The following PCDH7 variants were observed in gnomAD, a reference collection of about 807,000 sequenced individuals.
PCDH7 encodes protocadherin-7.
In PCDH7, 17 loss-of-function variants were observed where a neutral mutation model predicts 58.9. The ratio of observed to expected loss-of-function variants is 0.29; its 90% CI spans 0.20 to 0.43. The LOEUF is 0.43. Ranked by LOEUF, PCDH7 falls within the 20% of genes least tolerant of loss-of-function variation. The pLI, the probability that PCDH7 is intolerant of heterozygous loss-of-function variation, is 1.00. For synonymous variants in PCDH7, 664 were observed against 616.4 expected (o/e 1.08, Z -1.14); for missense variants, 1,274 against 1,441.0 (o/e 0.88, Z 1.88).
chr4:31,120,483 G>T (rs1578851362), intron 3 of PCDH7, among the ~76,000 whole-genome samples: 1 of 113,548 alleles, frequency 8.8e-6, no homozygotes. Flanking sequence ...TACATCTCCT[G>T]TATGTTCACT....
intron 2 of PCDH7, among the ~76,000 whole-genome samples, chr4:30,924,260 C>T (rs957808505): frequency 1.3e-5 from 2 of 152,284 alleles, no homozygotes; most frequent in East Asian, 3.9e-4. Flanking sequence ...ATATAGAAAA[C>T]ACCTTGCTTG....
chr4:31,073,097 G>A (rs1039972341), intron 3 of PCDH7, among the ~76,000 whole-genome samples: 1 of 152,128 alleles, frequency 6.6e-6, no homozygotes, highest in African/African-American at 2.4e-5. Flanking sequence ...GAGAGTGTGA[G>A]ATGAACAGTC....
rs962833646 is a variant in PCDH7 at position 30,721,371 on chromosome 4, G to T, written c.-52G>T. 2.1e-6 allele frequency: 3 copies of T among 1,423,358 alleles called. No homozygotes were observed. Among genetic ancestry groups the T allele is most frequent in the Non-Finnish European group, 2.8e-6 (3 of 1,088,268 alleles). The allele number at this position is 1,423,358 out of a possible 1,614,324, so 88.2% of individuals were successfully genotyped here. On this transcript the variant is annotated 5_prime_UTR_variant, in exon 1 of 2. Coordinates refer to ENST00000361762, the Ensembl canonical transcript of PCDH7. The surrounding 1 kb of genome is among the most constrained non-coding windows in gnomAD (Gnocchi z 6.7). ...AGGCGGCCGGCCCCGGAGGAGGGGGGCGCCGAGGGGGCTGTGGTTAGAAGG... is the reference window on the plus strand; with the variant it reads ...AGGCGGCCGGCCCCGGAGGAGGGGGTCGCCGAGGGGGCTGTGGTTAGAAGG...
At chr4:31,128,075 G>GTA (rs1718517569) in intron 3 of PCDH7, among the ~76,000 whole-genome samples, 1 of 148,978 alleles carries the variant, frequency 6.7e-6, no homozygotes, top group Non-Finnish European at 1.5e-5. Flanking sequence ...ATATGTGTGT[G>GTA]TATATATATG....
intron 3 of PCDH7, among the ~76,000 whole-genome samples, chr4:31,084,759 A>C: frequency 2.3e-5 from 1 of 44,312 alleles, no homozygotes; most frequent in East Asian, 8.9e-4. Context: ...AGGGGAGGGG[A>C]GGAGATGGGG....
At chr4:31,123,465 A>G (rs2109326603) in intron 3 of PCDH7, among the ~76,000 whole-genome samples, 1 of 152,192 alleles carries the variant, frequency 6.6e-6, no homozygotes, top group East Asian at 1.9e-4. Context: ...CCCTTGCGGG[A>G]GGAAAAGCAT....
chr4:30,737,499 AG>A (rs1426231989), downstream of PCDH7, among the ~76,000 whole-genome samples: 6 of 151,826 alleles, frequency 4.0e-5, no homozygotes, highest in Non-Finnish European at 7.4e-5. Context: ...TGGGTGACAG[AG>A]GGAGATCCTG....
At position 30,721,949 on chromosome 4, in the gene PCDH7, G is replaced by C. The variant is rs760014798; in HGVS notation, c.527G>C (p.Gly176Ala). 9 of 1,550,502 alleles carry C rather than the reference G, an allele frequency of 5.8e-6. No homozygotes were observed. In the South Asian group the frequency reaches 1.1e-4, roughly 18 times the overall value. The change falls in exon 1 of 2, where the codon GGC becomes GCC. Residue 176 changes from glycine (G) to alanine (A), a missense_variant. Transcript: ENST00000361762. This position sits in a 1 kb window ranked among gnomAD's most constrained non-coding sequence, Gnocchi z 6.7. ...ACCGACCGCGACTTCGGCCGCAACG[G>C]CATCGAGCGCTACGAGCTGCTCCAG...
chr4:30,817,207 TA>T (rs1256851390), intron 1 of PCDH7, among the ~76,000 whole-genome samples: 1 of 152,178 alleles, frequency 6.6e-6, no homozygotes, highest in Non-Finnish European at 1.5e-5. Flanking sequence ...TATGGGACCT[TA>T]AGCAGGTCAT....
chr4:30,948,289 CA>C (rs751763592), intron 2 of PCDH7, among the ~76,000 whole-genome samples: 5,591 of 113,264 alleles, frequency 0.049, 100 homozygotes, highest in African/African-American at 0.078. Context: ...AACTCATATG[CA>C]AAAAAAAAAA....
At position 30,853,608 on chromosome 4, in the gene PCDH7, G is replaced by T. The variant is rs558525925; in HGVS notation, c.71-66545G>T. Among the ~76,000 whole-genome samples, 3 of 152,218 alleles carry T rather than the reference G, an allele frequency of 2.0e-5. No individual in the cohort carries two copies. The East Asian group carries it at 5.8e-4, about 29-fold the overall frequency. On this transcript the variant is annotated intron_variant, in intron 1 of 3. Transcript: ENST00000509759. ...ATCAAACATGTTAGGGTATCACTAA[G>T]AGGTGGCATATTTTCTGGAATATGG... is the stretch of plus-strand genomic sequence containing the variant.
At chr4:30,901,407 C>G (rs951384178) in intron 1 of PCDH7, among the ~76,000 whole-genome samples, 1 of 152,024 alleles carries the variant, frequency 6.6e-6, no homozygotes, top group African/African-American at 2.4e-5. Context: ...GGATGATTTC[C>G]CATTTTATTT....
chr4:30,976,125 A>G (rs998617371), intron 3 of PCDH7, among the ~76,000 whole-genome samples: 3 of 152,160 alleles, frequency 2.0e-5, no homozygotes, highest in African/African-American at 7.2e-5. Context: ...TTTTATATCT[A>G]CTTTCAATAT....
intron 1 of PCDH7, among the ~76,000 whole-genome samples, chr4:30,819,812 A>C (rs1036597198): frequency 1.6e-4 from 25 of 152,046 alleles, no homozygotes; most frequent in Admixed American, 6.6e-5. Context: ...TATTCTAAAG[A>C]TCTTTGGGAG....
chr4:30,766,384 G>A (rs1720752912), intron 1 of PCDH7, among the ~76,000 whole-genome samples: 1 of 152,006 alleles, frequency 6.6e-6, no homozygotes, highest in Non-Finnish European at 1.5e-5. Context: ...CTTTGAATAA[G>A]ACATACAACC....
exon 4 of PCDH7, chr4:31,142,938 A>C: frequency 1.0e-6 from 1 of 977,208 alleles, no homozygotes; most frequent in Non-Finnish European, 1.4e-6. Context: ...TTTAATCACA[A>C]AGAGGGGGCT....
intron 3 of PCDH7, among the ~76,000 whole-genome samples, chr4:31,034,956 T>C (rs1755266920): frequency 2.0e-5 from 3 of 152,186 alleles, no homozygotes; most frequent in African/African-American, 7.2e-5. Context: ...CTTAATTAAT[T>C]GCACCCTTGT....
chr4:30,911,166 G>T (rs1741696163), intron 1 of PCDH7, among the ~76,000 whole-genome samples: 1 of 152,054 alleles, frequency 6.6e-6, no homozygotes, highest in Non-Finnish European at 1.5e-5. Flanking sequence ...TGGAGGTTGT[G>T]GGGGCAAGGG....
intron 1 of PCDH7, among the ~76,000 whole-genome samples, chr4:30,904,488 A>G (rs545888442): frequency 3.6e-4 from 55 of 152,112 alleles, no homozygotes; most frequent in Non-Finnish European, 6.6e-4. Flanking sequence ...TAGACAATTT[A>G]CCCATTTTAA....
Sources: allele counts gnomAD v4.1 joint callset (sites outside exome capture counted in the v4.1 genomes callset), GRCh38; gene constraint gnomAD v4.1.1; non-coding constraint Gnocchi (gnomAD v3.1); transcripts MANE v1.5; gene names NCBI Gene and HGNC (gene_info 2026-07-23, HGNC 2026-07-21).